Variants in APOBEC3F observed in about 807,000 individuals in gnomAD.
APOBEC3F encodes apolipoprotein B mRNA editing enzyme catalytic subunit 3F.
In APOBEC3F, 34 loss-of-function variants were observed where a neutral mutation model predicts 45.8. That is an observed-to-expected ratio of 0.74 (90% confidence interval 0.57 to 0.99). APOBEC3F has a LOEUF of 0.99. Among genes scored for constraint, APOBEC3F ranks in the 50% least tolerant of loss-of-function variants. The pLI is 0.00. For synonymous variants in APOBEC3F, 192 were observed against 174.4 expected (o/e 1.10, Z -0.80); for missense variants, 459 against 474.1 (o/e 0.97, Z 0.30).
chr22:39,043,898 G>A (rs56148620), intron 2 of APOBEC3F, among the ~76,000 whole-genome samples: 3,116 of 151,960 alleles, frequency 0.021, 85 homozygotes, highest in African/African-American at 0.07. Context: ...GGTGGCAGTC[G>A]CCTGTAATCC....
intron 4 of APOBEC3F, among the ~76,000 whole-genome samples, chr22:39,046,170 G>T (rs1313060918): frequency 6.6e-6 from 1 of 152,102 alleles, no homozygotes; most frequent in Non-Finnish European, 1.5e-5. Context: ...CACCCCTGGG[G>T]TCTCTCTGCC....
At chr22:39,044,046 A>G (rs2146341615) in intron 2 of APOBEC3F, 1 of 1,496,010 alleles carries the variant, frequency 6.7e-7, no homozygotes, top group African/African-American at 1.4e-5. Flanking sequence ...CAAAAAACAA[A>G]AAAAGATAAA....
At chr22:39,045,693 C>G in intron 4 of APOBEC3F, 151 bp downstream of exon 4, 2 of 1,399,786 alleles carry the variant, frequency 1.4e-6, no homozygotes, top group Non-Finnish European at 1.9e-6. Flanking sequence ...TGTGCTCCTT[C>G]CCCTTCTTGC....
In APOBEC3F at chr22:39,054,469, A is replaced by T. The variant is rs1927629748; in HGVS notation, c.*1774A>T. 6.6e-6 allele frequency among the ~76,000 whole-genome samples: 1 copy of T among 152,048 alleles called. No homozygotes were observed. The highest frequency in any genetic ancestry group is 2.1e-4 in the South Asian group (1 of 4,814). On this transcript the variant is annotated 3_prime_UTR_variant, in exon 7 of 7. Coordinates refer to ENST00000308521, the MANE Select transcript of APOBEC3F (RefSeq NM_145298.6). ...CTGGTCTTGAACTCCTGACCTCGTG[A>T]TCCACCCGTCTCGGCCTCCCAAAGT...
At chr22:39,051,909 C>G (rs1373494542) in intron 5 of APOBEC3F, among the ~76,000 whole-genome samples, 165 bp from the exon 6 acceptor site, 1 of 152,096 alleles carries the variant, frequency 6.6e-6, no homozygotes, top group Non-Finnish European at 1.5e-5. Context: ...AGCCCCAGAT[C>G]GCACCACTGC....
In APOBEC3F at chr22:39,040,947, C is replaced by T. The variant is rs1302151428; in HGVS notation, c.-14C>T. ...CTCCAGACAAAGATCTTAGTCGGGA[C>T]TAGCCGGCCAAGGATGAAGCCTCAC... On this transcript the variant is annotated 5_prime_UTR_variant, in exon 1 of 7. Transcript: ENST00000308521. 3 of 1,575,022 alleles carry T rather than the reference C, an allele frequency of 1.9e-6. No individual in the cohort carries two copies. Among genetic ancestry groups the T allele is most frequent in the Non-Finnish European group, 2.6e-6 (3 of 1,159,768 alleles).
rs1249451900 is a variant in APOBEC3F, at chr22:39,055,515, C to T, written c.*2820C>T. 1.3e-5 allele frequency among the ~76,000 whole-genome samples: 2 copies of T among 152,058 alleles called. No individual in the cohort carries two copies. The highest frequency in any genetic ancestry group is 2.9e-5 in the Non-Finnish European group (2 of 68,010). ...TCCTGAGTAGCTGGGATTACAGATGCCCAGAACCAATCTCTGCTAATTTTT... is the reference window on the plus strand; with the variant it reads ...TCCTGAGTAGCTGGGATTACAGATGTCCAGAACCAATCTCTGCTAATTTTT... On this transcript the variant is annotated 3_prime_UTR_variant, in exon 7 of 7. Transcript: ENST00000308521.
chr22:39,041,792 G>A (rs755835868), intron 1 of APOBEC3F, among the ~76,000 whole-genome samples: 1 of 152,000 alleles, frequency 6.6e-6, no homozygotes, highest in Non-Finnish European at 1.5e-5. Flanking sequence ...AACCCAGGAG[G>A]CGGAGGTTGC....
At position 39,045,335 on chromosome 22, in the gene APOBEC3F, CACTGACAGCA is replaced by C. The variant is rs1927158778; in HGVS notation, c.452-83_452-74del. 4 of 1,605,166 alleles carry C rather than the reference CACTGACAGCA, an allele frequency of 2.5e-6. No individual in the cohort carries two copies. In the East Asian group the frequency reaches 6.7e-5, roughly 27 times the overall value. ...GGGCAGCCTGCAGGGGCGGGGCCAG[CACTGACAGCA>C]ACTGACAGCCAGGAGACCAGGCCTG... On this transcript the variant is annotated intron_variant, in intron 3 of 6. Coordinates refer to ENST00000308521, the MANE Select transcript of APOBEC3F (RefSeq NM_145298.6).
intron 4 of APOBEC3F, 68 bp downstream of exon 4, chr22:39,045,610 C>T (rs1230677401): frequency 3.7e-6 from 6 of 1,606,610 alleles, no homozygotes; most frequent in Non-Finnish European, 5.1e-6. Context: ...TGAGGCCTCC[C>T]CTGGCCAGGC....
chr22:39,045,448 A>G lies in APOBEC3F; in HGVS notation c.472A>G (p.Asn158Asp), dbSNP rs779760715. 2.5e-6 allele frequency: 4 copies of G among 1,613,930 alleles called. No individual in the cohort carries two copies. The highest frequency in any genetic ancestry group is 3.4e-6 in the Non-Finnish European group (4 of 1,179,982). Residue 158 changes from asparagine (N) to aspartate (D), a missense_variant, in exon 4 of 7, where the codon AAC becomes GAC. By Grantham distance (23) the Asn-to-Asp change is conservative. Coordinates refer to ENST00000308521, the MANE Select transcript of APOBEC3F (RefSeq NM_145298.6). ...DDEEFAYCWE[N>D]FVYSEGQPFM... ...CTCAGAATTTGCATACTGCTGGGAA[A>G]ACTTTGTGTACAGTGAAGGTCAGCC...
intron 4 of APOBEC3F, among the ~76,000 whole-genome samples, chr22:39,048,492 GT>G (rs1981848115): frequency 6.6e-6 from 1 of 151,684 alleles, no homozygotes; most frequent in Admixed American, 6.6e-5. Context: ...GGCCAACATG[GT>G]GAAACCCAGT....
intron 6 of APOBEC3F, 80 bp downstream of exon 6, chr22:39,052,433 G>A (rs930659104): frequency 2.9e-5 from 46 of 1,585,860 alleles, no homozygotes; most frequent in South Asian, 2.0e-4. Flanking sequence ...GCCGTGGGGC[G>A]GGGCAGTGTC....
At chr22:39,049,386 G>A in intron 4 of APOBEC3F, 39 bp from the exon 5 acceptor site, 1 of 1,607,142 alleles carries the variant, frequency 6.2e-7, no homozygotes, top group Admixed American at 1.7e-5. Context: ...AGGAATCCAG[G>A]GGGGTCTCTG....
In APOBEC3F at chr22:39,045,778, C is replaced by T. The variant is rs184760995; in HGVS notation, c.566+236C>T. ...CTCCAGAGCAACCTCCATCCACCTT[C>T]GAGGCCGCCCTCCCCACAGCCTGGG... On this transcript the variant is annotated intron_variant, in intron 4 of 6. Coordinates refer to ENST00000308521, the MANE Select transcript of APOBEC3F (RefSeq NM_145298.6). 1.3e-4 allele frequency among the ~76,000 whole-genome samples: 20 copies of T among 152,298 alleles called. No individual in the cohort carries two copies. The East Asian group carries it at 3.7e-3, about 28-fold the overall frequency.
At chr22:39,052,455 G>A in intron 6 of APOBEC3F, 102 bp downstream of exon 6, 3 of 1,575,230 alleles carry the variant, frequency 1.9e-6, no homozygotes, top group Non-Finnish European at 1.7e-6. Context: ...CGGGAAGCCT[G>A]CAGGGATGGC....
chr22:39,050,385 C>A (rs1927428408), intron 5 of APOBEC3F, among the ~76,000 whole-genome samples: 1 of 151,016 alleles, frequency 6.6e-6, no homozygotes, highest in African/African-American at 2.4e-5. Flanking sequence ...CCACCCAACC[C>A]TGCGGCCCCC....
Position 39,054,209 on chromosome 22 carries a change from A to G in APOBEC3F, c.*1514A>G, listed in dbSNP as rs997823118. On this transcript the variant is annotated 3_prime_UTR_variant, in exon 7 of 7. Coordinates refer to ENST00000308521, the MANE Select transcript of APOBEC3F (RefSeq NM_145298.6). ...TGTATTTTTCATAAAAACGGGTTTC[A>G]TCATGTTTCCCAGGCTGGTCTTATT... is the stretch of plus-strand genomic sequence containing the variant. 6.6e-6 allele frequency among the ~76,000 whole-genome samples: 1 copy of G among 151,760 alleles called. No individual in the cohort carries two copies. Among genetic ancestry groups the G allele is most frequent in the Non-Finnish European group, 1.5e-5 (1 of 67,928 alleles).
At chr22:39,048,844 A>C (rs1033038570) in intron 4 of APOBEC3F, among the ~76,000 whole-genome samples, 1 of 151,742 alleles carries the variant, frequency 6.6e-6, no homozygotes, top group Non-Finnish European at 1.5e-5. Flanking sequence ...AATCAGCCGG[A>C]CGTGGTGACA....
Sources: gnomAD v4.1 joint callset for allele counts (sites outside exome capture counted in the v4.1 genomes callset) on GRCh38, gnomAD v4.1.1 for gene constraint, MANE v1.5 for transcripts, NCBI Gene and HGNC (gene_info 2026-07-23, HGNC 2026-07-21) for gene names.